Variants in PUS10 observed in about 807,000 individuals in gnomAD.
The protein encoded by PUS10 is tRNA pseudouridine synthase Pus10.
Under a neutral mutation model 75.0 loss-of-function variants are expected in PUS10, and 59 were observed. The observed-to-expected ratio is 0.79, with a 90% CI of 0.64 to 0.98. PUS10 has a LOEUF of 0.98. Among genes scored for constraint, PUS10 ranks in the 50% least tolerant of loss-of-function variants. The pLI, the probability that PUS10 is intolerant of heterozygous loss-of-function variation, is 0.00. For missense variants in PUS10, 650 were observed against 614.4 expected (o/e 1.06, Z -0.61); for synonymous variants, 219 against 211.6 (o/e 1.03, Z -0.30).
intron 1 of PUS10, among the ~76,000 whole-genome samples, chr2:61,015,507 G>A (rs1396774030): frequency 1.3e-5 from 2 of 152,016 alleles, no homozygotes; most frequent in Non-Finnish European, 2.9e-5. Flanking sequence ...AGACCATCCT[G>A]GCTAACACGA....
At chr2:60,966,369 A>ATAT (rs1676341389) in intron 6 of PUS10, 1 of 152,228 alleles carries the variant, frequency 6.6e-6, no homozygotes, top group Non-Finnish European at 1.5e-5. Flanking sequence ...TTTTGTCTTT[A>ATAT]TATTTACTGA....
At chr2:60,997,999 C>A (rs1037129259) in intron 4 of PUS10, among the ~76,000 whole-genome samples, 1 of 152,124 alleles carries the variant, frequency 6.6e-6, no homozygotes, top group Admixed American at 6.5e-5. Flanking sequence ...GCAGAAAATA[C>A]ACATGCTAAA....
intron 4 of PUS10, among the ~76,000 whole-genome samples, chr2:60,981,670 A>T (rs762334257): frequency 7.2e-5 from 11 of 152,206 alleles, no homozygotes; most frequent in Admixed American, 3.3e-4. Context: ...TGAAAAATAT[A>T]TTTTTCAAAC....
At chr2:61,012,867 A>AAT (rs1559006783) in intron 1 of PUS10, among the ~76,000 whole-genome samples, 3,942 of 27,670 alleles carry the variant, frequency 0.14, 349 homozygotes, top group African/African-American at 0.23. Context: ...AAAAAAAAAA[A>AAT]ATATATATAT....
chr2:60,996,964 A>C (rs1395565008), intron 4 of PUS10, among the ~76,000 whole-genome samples: 1 of 152,208 alleles, frequency 6.6e-6, no homozygotes, highest in Non-Finnish European at 1.5e-5. Flanking sequence ...AATCACAACC[A>C]TATACACATT....
chr2:61,009,025 T>C lies in PUS10; in HGVS notation c.127-10A>G. On this transcript the variant is annotated splice_polypyrimidine_tract_variant and intron_variant, in intron 2 of 17. Transcript: ENST00000316752. ...GTTCATTGAGCAACTCCTGGAAAGT[T>C]AATGAAAGAAAAAGTAATGACCCAC... The C allele has an allele frequency of 6.2e-7, 1 of 1,602,104 alleles. No homozygotes were observed. The highest frequency in any genetic ancestry group is 1.1e-5 in the South Asian group (1 of 88,978).
At chr2:60,944,037 G>A (rs2104079329) in intron 17 of PUS10, among the ~76,000 whole-genome samples, 1 of 152,132 alleles carries the variant, frequency 6.6e-6, no homozygotes, top group African/African-American at 2.4e-5. Flanking sequence ...ACTGAGGCAG[G>A]GGATCGCTTG....
At chr2:60,993,000 G>A (rs1242227541) in intron 4 of PUS10, among the ~76,000 whole-genome samples, 1 of 152,142 alleles carries the variant, frequency 6.6e-6, no homozygotes, top group African/African-American at 2.4e-5. Context: ...GCAAGTACGT[G>A]CTGAGCACTC....
At chr2:60,973,113 G>C (rs921980231) in intron 4 of PUS10, among the ~76,000 whole-genome samples, 4 of 152,216 alleles carry the variant, frequency 2.6e-5, no homozygotes, top group African/African-American at 4.8e-5. Flanking sequence ...CCTGTTCTCA[G>C]GCCCAAAGCC....
chr2:60,965,958 ATT>A (rs144959020), intron 6 of PUS10: 1 of 151,438 alleles, frequency 6.6e-6, no homozygotes, highest in African/African-American at 2.4e-5. Context: ...CCAGATCTTA[ATT>A]TTTTTTGTTT....
chr2:61,009,108 T>A (rs1328904482), intron 2 of PUS10, 93 bp from the exon 3 acceptor site: 15 of 1,138,862 alleles, frequency 1.3e-5, no homozygotes, highest in Non-Finnish European at 1.8e-5. Context: ...GAGTGAAAAT[T>A]AGGACATATC....
chr2:60,950,299 A>T (rs1675253741), intron 15 of PUS10, among the ~76,000 whole-genome samples: 1 of 152,104 alleles, frequency 6.6e-6, no homozygotes. Flanking sequence ...TTTTTTTCTC[A>T]TGTCATAAGT....
At position 60,997,962 on chromosome 2, in the gene PUS10, G is replaced by A. The variant is rs142840527; in HGVS notation, c.468+8595C>T. On this transcript the variant is annotated intron_variant, in intron 4 of 17. Transcript: ENST00000316752. ...GTGCCTGTCATACAAAATAAAAATC[G>A]AGAAGCCATGCACAAATGGACAAAA... 3.9e-3 allele frequency among the ~76,000 whole-genome samples: 601 copies of A among 152,168 alleles called. 8 individuals carry two copies. Among genetic ancestry groups the A allele is most frequent in the African/African-American group, 0.014 (568 of 41,504 alleles).
chr2:60,988,320 T>C (rs892110499), intron 4 of PUS10, among the ~76,000 whole-genome samples: 1 of 152,110 alleles, frequency 6.6e-6, no homozygotes, highest in African/African-American at 2.4e-5. Context: ...CCAAAAAGAA[T>C]ATAAACTACT....
chr2:61,009,078 A>G (rs1679435486), intron 2 of PUS10, 63 bp from the exon 3 acceptor site: 3 of 1,408,314 alleles, frequency 2.1e-6, no homozygotes, highest in Non-Finnish European at 2.9e-6. Context: ...CTTTCTAGGT[A>G]AGATGAAACA....
intron 11 of PUS10, among the ~76,000 whole-genome samples, chr2:60,960,004 C>G (rs925722189): frequency 6.6e-6 from 1 of 151,156 alleles, no homozygotes; most frequent in African/African-American, 2.4e-5. Flanking sequence ...CATAGTGAGA[C>G]CCCCCAATCT....
intron 1 of PUS10, among the ~76,000 whole-genome samples, chr2:61,012,521 A>C (rs1261820259): frequency 6.6e-6 from 1 of 151,718 alleles, no homozygotes; most frequent in African/African-American, 2.4e-5. Flanking sequence ...CCAGCCATAA[A>C]ATCTAAAAAT....
intron 11 of PUS10, among the ~76,000 whole-genome samples, chr2:60,960,119 C>A (rs1675924428): frequency 7.4e-6 from 1 of 135,632 alleles, no homozygotes; most frequent in African/African-American, 2.8e-5. Flanking sequence ...GAGATTGAGG[C>A]TGCACTCCAG....
At chr2:60,983,760 A>G (rs1369803481) in intron 4 of PUS10, among the ~76,000 whole-genome samples, 3 of 152,146 alleles carry the variant, frequency 2.0e-5, no homozygotes, top group Non-Finnish European at 1.5e-5. Flanking sequence ...CATATGATAC[A>G]CCTAAATATA....
Sources: allele counts gnomAD v4.1 joint callset (sites outside exome capture counted in the v4.1 genomes callset), GRCh38; gene constraint gnomAD v4.1.1; transcripts MANE v1.5; gene names NCBI Gene and HGNC (gene_info 2026-07-23, HGNC 2026-07-21).